TMEM248: variants seen among roughly 807,000 people sequenced by gnomAD.
TMEM248 encodes UPF0458 protein C7orf42.
TMEM248 carries 9 observed loss-of-function variants against 30.3 expected under a neutral mutation model. That is an observed-to-expected ratio of 0.30 (90% CI 0.18 to 0.52). TMEM248 has a LOEUF of 0.52. Ranked by LOEUF, TMEM248 falls within the 20% of genes least tolerant of loss-of-function variation. The pLI is 0.97. For missense variants in TMEM248, 338 were observed against 403.3 expected, an observed-to-expected ratio of 0.84 and a Z score of 1.39; for synonymous variants, 184 against 154.4, an observed-to-expected ratio of 1.19 and a Z score of -1.42.
At chr7:66,941,378 C>CA (rs531732717) in intron 1 of TMEM248, among the ~76,000 whole-genome samples, 644 of 62,542 alleles carry the variant, frequency 0.01, 3 homozygotes, top group African/African-American at 0.028. Flanking sequence ...GACTCCGTCT[C>CA]AAAAAAAAAA....
chr7:66,940,003 G>C (rs1791906700), intron 1 of TMEM248, among the ~76,000 whole-genome samples: 1 of 152,058 alleles, frequency 6.6e-6, no homozygotes, highest in African/African-American at 2.4e-5. Context: ...CCTCAGGCTG[G>C]AGTGCAGTGG....
chr7:66,934,448 G>A lies in TMEM248; in HGVS notation c.-18-7400G>A, dbSNP rs182795585. Among the ~76,000 whole-genome samples the A allele has an allele frequency of 6.0e-4, 91 of 152,260 alleles. 1 individual carries two copies. The highest frequency in any genetic ancestry group is 2.0e-3 in the African/African-American group (85 of 41,566). ...ACGCCTGACCTCAGGTGATCCACCC[G>A]CTTTGGCCTCCCAAAGTGCTGGGAT... On this transcript the variant is annotated intron_variant, in intron 1 of 6. Transcript: ENST00000341567.
At chr7:66,947,529 C>T (rs1039433580) in intron 3 of TMEM248, among the ~76,000 whole-genome samples, 16 of 151,848 alleles carry the variant, frequency 1.1e-4, no homozygotes, top group African/African-American at 2.9e-4. Context: ...CAGACTCCCG[C>T]GTAGCTGGGA....
At chr7:66,931,751 T>G (rs546312120) in intron 1 of TMEM248, among the ~76,000 whole-genome samples, 9 of 151,296 alleles carry the variant, frequency 5.9e-5, no homozygotes, top group Non-Finnish European at 1.0e-4. Context: ...GTGCTGGGAT[T>G]ACAGGTGTGA....
At chr7:66,925,128 C>G (rs1791490202) in intron 1 of TMEM248, among the ~76,000 whole-genome samples, 1 of 152,070 alleles carries the variant, frequency 6.6e-6, no homozygotes, top group Non-Finnish European at 1.5e-5. Flanking sequence ...TCAAGTCATA[C>G]TCCTGCCTCA....
At chr7:66,940,046 C>A (rs529437803) in intron 1 of TMEM248, among the ~76,000 whole-genome samples, 1 of 152,174 alleles carries the variant, frequency 6.6e-6, no homozygotes, top group East Asian at 1.9e-4. Context: ...CTCCACCTCC[C>A]AGGTTCAAGT....
At chr7:66,952,808 G>A (rs1792302535) in intron 5 of TMEM248, among the ~76,000 whole-genome samples, 1 of 152,242 alleles carries the variant, frequency 6.6e-6, no homozygotes, top group Admixed American at 6.5e-5. Context: ...TGGGGGCATA[G>A]TCAGGAGTTA....
In TMEM248 at chr7:66,945,092, G is replaced by C. The variant is rs1268790205; in HGVS notation, c.276G>C (p.Gly92=). 3 of 1,614,228 alleles carry C rather than the reference G, an allele frequency of 1.9e-6. No individual in the cohort carries two copies. Among genetic ancestry groups the C allele is most frequent in the Non-Finnish European group, 2.5e-6 (3 of 1,180,054 alleles). ...CTCCGGAAAGTACAATGACCAGCGGGCAGGCCCGAGCTTCCACCCAGTCCC... is the reference window on the plus strand; with the variant it reads ...CTCCGGAAAGTACAATGACCAGCGGCCAGGCCCGAGCTTCCACCCAGTCCC... ...TTTPESTMTS[G]QARASTQSPQ... The change falls in exon 3 of 7, where the codon GGG becomes GGC. Residue 92 remains glycine, a synonymous_variant. Transcript: ENST00000341567.
rs1206914967 is a variant in TMEM248 at position 66,941,905 on chromosome 7, A to C, written c.40A>C (p.Ile14Leu). The change falls in exon 2 of 7, where the codon ATC becomes CTC. Residue 14 changes from isoleucine to leucine, a missense_variant. Coordinates refer to ENST00000341567, the MANE Select transcript of TMEM248 (RefSeq NM_017994.5). ...INPLENLKVY[I>L]SSRPPLVVFM... is the part of the protein sequence containing the mutation. ...CCCCCTGGAGAACCTGAAGGTGTAC[A>C]TCAGCAGTCGGCCTCCCCTGGTGGT... 1 of 1,614,066 alleles carries C rather than the reference A, an allele frequency of 6.2e-7. No individual in the cohort carries two copies.
intron 1 of TMEM248, among the ~76,000 whole-genome samples, chr7:66,941,594 A>G (rs1423900668): frequency 6.8e-6 from 1 of 147,396 alleles, no homozygotes; most frequent in Admixed American, 7.0e-5. Context: ...ACACACACAC[A>G]CACAATATTT....
chr7:66,954,511 G>A (rs922433115), intron 6 of TMEM248, among the ~76,000 whole-genome samples: 1 of 150,578 alleles, frequency 6.6e-6, no homozygotes. Context: ...TCAAGCGATC[G>A]TCAACCTCCT....
At chr7:66,937,551 A>G (rs1791836865) in intron 1 of TMEM248, among the ~76,000 whole-genome samples, 1 of 152,176 alleles carries the variant, frequency 6.6e-6, no homozygotes, top group Admixed American at 6.5e-5. Flanking sequence ...GGGTACATAT[A>G]TATTTATAAT....
intron 1 of TMEM248, among the ~76,000 whole-genome samples, chr7:66,936,191 G>A (rs993297272): frequency 2.6e-5 from 4 of 152,122 alleles, no homozygotes; most frequent in African/African-American, 9.7e-5. Context: ...CTAGTTGTGG[G>A]CCTGTTGTAT....
At chr7:66,936,220 G>A (rs1028829743) in intron 1 of TMEM248, among the ~76,000 whole-genome samples, 3 of 152,084 alleles carry the variant, frequency 2.0e-5, no homozygotes, top group African/African-American at 7.2e-5. Context: ...CATTGTGTGA[G>A]GTATGATCCT....
At chr7:66,931,297 CAAAAAAAAA>C (rs758131446) in intron 1 of TMEM248, among the ~76,000 whole-genome samples, 1 of 64,396 alleles carries the variant, frequency 1.6e-5, no homozygotes, top group African/African-American at 5.8e-5. Context: ...GACAATATCT[CAAAAAAAAA>C]AAAAAAAAAA....
At chr7:66,927,192 G>GC (rs1791548004) in intron 1 of TMEM248, among the ~76,000 whole-genome samples, 1 of 152,104 alleles carries the variant, frequency 6.6e-6, no homozygotes, top group Non-Finnish European at 1.5e-5. Flanking sequence ...TTTTTAAGAA[G>GC]CGGGGGGGTT....
intron 2 of TMEM248, among the ~76,000 whole-genome samples, chr7:66,943,507 A>G (rs1291531840): frequency 1.3e-5 from 2 of 152,208 alleles, no homozygotes; most frequent in Admixed American, 1.3e-4. Context: ...GTGTATGGGA[A>G]ACATTTGGGG....
chr7:66,933,365 A>T (rs1228563923), intron 1 of TMEM248, among the ~76,000 whole-genome samples: 1 of 152,224 alleles, frequency 6.6e-6, no homozygotes, highest in African/African-American at 2.4e-5. Context: ...AATACTGGGG[A>T]GAAATCCTGC....
chr7:66,941,710 T>C (rs1584407394), intron 1 of TMEM248, 138 bp from the exon 2 acceptor site: 1 of 661,260 alleles, frequency 1.5e-6, no homozygotes, highest in Non-Finnish European at 2.5e-6. Context: ...AATGAAGTTA[T>C]GATCCGACAT....
Sources: gnomAD v4.1 joint callset for allele counts (sites outside exome capture counted in the v4.1 genomes callset) on GRCh38, gnomAD v4.1.1 for gene constraint, MANE v1.5 for transcripts, NCBI Gene and HGNC (gene_info 2026-07-23, HGNC 2026-07-21) for gene names.